The following MMP26 variants were observed in gnomAD, a reference collection of about 807,000 sequenced individuals.
MMP26 encodes the protein matrix metalloproteinase-26.
Under a neutral mutation model 31.0 loss-of-function variants are expected in MMP26, and 33 were observed. That is an observed-to-expected ratio of 1.06 (90% CI 0.81 to 1.42). MMP26 has a LOEUF of 1.42. Ranked by LOEUF, MMP26 falls within the 40% of genes most tolerant of loss-of-function variation. The pLI is 0.00. For missense variants in MMP26, 347 were observed against 316.1 expected (o/e 1.10, Z -0.74); for synonymous variants, 122 against 114.9 (o/e 1.06, Z -0.40).
chr11:4,927,019 T>C (rs565894980), intron 2 of MMP26, among the ~76,000 whole-genome samples: 7 of 152,302 alleles, frequency 4.6e-5, no homozygotes, highest in African/African-American at 1.4e-4. Flanking sequence ...AGAAGTATCA[T>C]CTGATTTCCT....
At chr11:4,855,173 A>T (rs1850032439) in intron 2 of MMP26, among the ~76,000 whole-genome samples, 1 of 152,202 alleles carries the variant, frequency 6.6e-6, no homozygotes, top group African/African-American at 2.4e-5. Context: ...CCCCAAAGGA[A>T]CACAGCTCCT....
intron 2 of MMP26, among the ~76,000 whole-genome samples, chr11:4,827,322 T>C (rs964875119): frequency 6.6e-6 from 1 of 152,136 alleles, no homozygotes; most frequent in South Asian, 2.1e-4. Context: ...TTGATCTTTT[T>C]TGTTATTGTT....
intron 2 of MMP26, among the ~76,000 whole-genome samples, chr11:4,817,251 A>T (rs941419794): frequency 6.6e-6 from 1 of 152,116 alleles, no homozygotes; most frequent in Non-Finnish European, 1.5e-5. Context: ...GTGTAAGGGC[A>T]TTTGTTCCTT....
intron 2 of MMP26, among the ~76,000 whole-genome samples, chr11:4,910,658 CT>C (rs1850976838): frequency 1.3e-5 from 2 of 152,032 alleles, no homozygotes; most frequent in Admixed American, 6.6e-5. Context: ...AAATATGAGC[CT>C]TTAATTGTTT....
chr11:4,814,396 T>C (rs2133464882), intron 2 of MMP26, among the ~76,000 whole-genome samples: 1 of 152,230 alleles, frequency 6.6e-6, no homozygotes, highest in African/African-American at 2.4e-5. Context: ...AGCAATAGAA[T>C]ACTACTCATC....
chr11:4,862,638 T>C (rs900023550), intron 2 of MMP26, among the ~76,000 whole-genome samples: 1 of 152,140 alleles, frequency 6.6e-6, no homozygotes, highest in East Asian at 1.9e-4. Flanking sequence ...GTCTGGGAGC[T>C]CTGAGGTTGG....
chr11:4,840,479 A>G (rs531478814), intron 2 of MMP26, among the ~76,000 whole-genome samples: 1 of 152,238 alleles, frequency 6.6e-6, no homozygotes, highest in Non-Finnish European at 1.5e-5. Flanking sequence ...CTCAGAACAC[A>G]GACAGACTCC....
At chr11:4,818,809 C>G (rs1311926747) in intron 2 of MMP26, among the ~76,000 whole-genome samples, 4 of 152,036 alleles carry the variant, frequency 2.6e-5, no homozygotes, top group African/African-American at 9.7e-5. Flanking sequence ...GTTGTTATTG[C>G]TTTGGAGTCT....
intron 2 of MMP26, among the ~76,000 whole-genome samples, chr11:4,853,251 G>A (rs747232390): frequency 6.6e-5 from 10 of 152,068 alleles, no homozygotes; most frequent in Non-Finnish European, 1.5e-4. Context: ...ACATACAAGG[G>A]TAACTATGTG....
intron 1 of MMP26, among the ~76,000 whole-genome samples, chr11:4,739,585 G>A (rs1055847806): frequency 1.3e-4 from 19 of 151,818 alleles, no homozygotes; most frequent in Admixed American, 3.3e-4. Flanking sequence ...ACTTGATATG[G>A]AGAATATACT....
intron 1 of MMP26, chr11:4,710,028 G>A: frequency 2.2e-6 from 1 of 456,696 alleles, no homozygotes; most frequent in Non-Finnish European, 4.4e-6. Flanking sequence ...TGTTCTTAGG[G>A]GAACAACAGC....
At chr11:4,923,469 G>A (rs747364577) in intron 2 of MMP26, 19 of 1,613,346 alleles carry the variant, frequency 1.2e-5, no homozygotes, top group Non-Finnish European at 1.4e-5. Flanking sequence ...TAGATGATGG[G>A]GTTCATAAGG....
intron 1 of MMP26, among the ~76,000 whole-genome samples, chr11:4,756,986 C>CT (rs1054199649): frequency 9.9e-5 from 15 of 151,886 alleles, no homozygotes; most frequent in African/African-American, 2.2e-4. Context: ...ATCAACAAGT[C>CT]TTTTTTTTCT....
In MMP26 at chr11:4,882,369, T is replaced by C. The variant is rs1022076198; in HGVS notation, c.-144-105699T>C. 3 of 1,613,866 alleles carry C rather than the reference T, an allele frequency of 1.9e-6. No individual in the cohort carries two copies. The African/African-American group carries it at 4.0e-5, about 22-fold the overall frequency. On this transcript the variant is annotated intron_variant, in intron 2 of 7. Transcript: ENST00000380390. ...GTCATCTGCATTAGACCAGCAGTTT[T>C]CTTACTTCCCCTTCTTGTAGCCATA...
intron 2 of MMP26, among the ~76,000 whole-genome samples, chr11:4,895,943 G>A (rs1416289120): frequency 2.0e-5 from 3 of 152,146 alleles, no homozygotes; most frequent in African/African-American, 7.2e-5. Context: ...GAGATTTAGT[G>A]CCTTTTAAAA....
At chr11:4,948,294 T>A (rs554059131) in intron 2 of MMP26, among the ~76,000 whole-genome samples, 1 of 125,018 alleles carries the variant, frequency 8.0e-6, no homozygotes, top group East Asian at 2.3e-4. Context: ...CATTACCAGA[T>A]GATGATTTGG....
chr11:4,841,600 A>G (rs558017641), intron 2 of MMP26, among the ~76,000 whole-genome samples: 35 of 152,272 alleles, frequency 2.3e-4, no homozygotes, highest in Non-Finnish European at 4.3e-4. Context: ...TCCCAGACAA[A>G]CAAAGTTGAG....
chr11:4,951,793 G>A lies in MMP26; in HGVS notation c.-144-36275G>A, dbSNP rs1405544896. On this transcript the variant is annotated intron_variant, in intron 2 of 7. Coordinates refer to ENST00000380390, the MANE Select transcript of MMP26 (RefSeq NM_021801.5). ...AAGCTATTAAACATTTTTCTTTTAA[G>A]TGGATCTGAGAGTGACAGTTCTCTC... Among the ~76,000 whole-genome samples the A allele has an allele frequency of 2.4e-5, 3 of 124,240 alleles. 1 individual carries two copies. The highest frequency in any genetic ancestry group is 5.5e-5 in the Non-Finnish European group (3 of 54,860). 81.5% of individuals were successfully genotyped at this position (124,240 alleles called of 152,430 possible).
intron 2 of MMP26, among the ~76,000 whole-genome samples, chr11:4,806,883 A>G (rs1480049917): frequency 6.6e-6 from 1 of 151,926 alleles, no homozygotes; most frequent in African/African-American, 2.4e-5. Flanking sequence ...TGTTTTGTAT[A>G]TTCTGTTTGA....
Sources: allele counts gnomAD v4.1 joint callset (sites outside exome capture counted in the v4.1 genomes callset), GRCh38; gene constraint gnomAD v4.1.1; transcripts MANE v1.5; gene names NCBI Gene and HGNC (gene_info 2026-07-23, HGNC 2026-07-21).